The following MOV10L1 variants were observed in gnomAD, a reference collection of about 807,000 sequenced individuals.
MOV10L1 encodes RNA helicase Mov10l1.
Under a neutral mutation model 143.8 loss-of-function variants are expected in MOV10L1, and 110 were observed. The ratio of observed to expected loss-of-function variants is 0.76; its 90% CI spans 0.66 to 0.90. The LOEUF (loss-of-function observed/expected upper bound fraction) is 0.90, where lower values mean the gene tolerates loss of function less well. Among genes scored for constraint, MOV10L1 ranks in the 40% least tolerant of loss-of-function variants. The pLI is 0.00. For missense variants in MOV10L1, 1,406 were observed against 1,526.8 expected (o/e 0.92, Z 1.32); for synonymous variants, 593 against 581.1 (o/e 1.02, Z -0.29).
chr22:50,117,356 C>T lies in MOV10L1; in HGVS notation c.1454+5C>T, dbSNP rs752566634. On this transcript the variant is annotated splice_donor_5th_base_variant and intron_variant, in intron 9 of 26. Coordinates refer to ENST00000262794, the MANE Select transcript of MOV10L1 (RefSeq NM_018995.3). Reference sequence around the variant, plus strand: ...TGTTGTGACCGCACAGAAAAGGTACCATAACTGAAATGAGTGTGGCTCTTG... The same window carrying T: ...TGTTGTGACCGCACAGAAAAGGTACTATAACTGAAATGAGTGTGGCTCTTG... The T allele has an allele frequency of 6.2e-7, 1 of 1,611,960 alleles. No individual in the cohort carries two copies. The highest frequency in any genetic ancestry group is 1.1e-5 in the South Asian group (1 of 90,812).
chr22:50,133,904 A>T (rs2062748037), intron 13 of MOV10L1, 103 bp from the exon 14 acceptor site: 1 of 934,206 alleles, frequency 1.1e-6, no homozygotes, highest in African/African-American at 1.7e-5. Flanking sequence ...TGATTTTTTT[A>T]TATTGACTTA....
chr22:50,159,913 C>T lies in MOV10L1; in HGVS notation c.3324+128C>T, dbSNP rs1394625204. 1 of 640,198 alleles carries T rather than the reference C, an allele frequency of 1.6e-6. No individual in the cohort carries two copies. Among genetic ancestry groups the T allele is most frequent in the East Asian group, 2.8e-5 (1 of 36,182 alleles). The allele number at this position is 640,198 out of a possible 1,614,324, so 39.7% of individuals were successfully genotyped here. On this transcript the variant is annotated intron_variant, in intron 24 of 26. Transcript: ENST00000262794. This position sits in a 1 kb window ranked among gnomAD's most constrained non-coding sequence, Gnocchi z 4.1. ...AGAGAAGCAGCTGCAGGCGGAGACT[C>T]CCTAGGTCCAGGAGCCATTGTAAGC...
rs757266792 is a variant in MOV10L1, at chr22:50,142,103, A to G, written c.2093A>G (p.Gln698Arg). The G allele has an allele frequency of 1.2e-6, 2 of 1,611,858 alleles. No homozygotes were observed. Among genetic ancestry groups the G allele is most frequent in the South Asian group, 2.2e-5 (2 of 90,598 alleles). The change falls in exon 16 of 27, where the codon CAA (glutamine) becomes CGA (arginine). Residue 698 changes from glutamine to arginine, a missense_variant. Transcript: ENST00000262794. ...TAGAATAGGAAAACAATGACGGACC[A>G]AGCTGAGCATGGAACAGAGGAGAGG... ...SKKNRKTMTD[Q>R]AEHGTEERRV...
chr22:50,155,094 T>G (rs910007655), intron 22 of MOV10L1, among the ~76,000 whole-genome samples: 4 of 152,188 alleles, frequency 2.6e-5, no homozygotes, highest in Admixed American at 2.6e-4. Flanking sequence ...CATTGAATTG[T>G]TTCTCAGTTT....
chr22:50,091,933 T>C, intron 1 of MOV10L1, 68 bp from the exon 2 acceptor site: 1 of 1,485,868 alleles, frequency 6.7e-7, no homozygotes, highest in Non-Finnish European at 9.1e-7. Context: ...TGCCTTTCTC[T>C]GGTGGGGTTC....
chr22:50,161,319 C>T (rs771358537), intron 26 of MOV10L1, 49 bp from the exon 27 acceptor site: 52 of 1,449,838 alleles, frequency 3.6e-5, no homozygotes, highest in Non-Finnish European at 3.6e-5. Flanking sequence ...GCTCCCAGCC[C>T]GCTGTGGGAG....
At chr22:50,130,695 G>T (rs945064703) in intron 13 of MOV10L1, among the ~76,000 whole-genome samples, 6 of 152,158 alleles carry the variant, frequency 3.9e-5, no homozygotes. Flanking sequence ...GTGAGGGTTG[G>T]CTGGGACCAC....
chr22:50,135,523 C>T (rs113275070), intron 15 of MOV10L1, among the ~76,000 whole-genome samples: 2 of 151,588 alleles, frequency 1.3e-5, no homozygotes, highest in Non-Finnish European at 2.9e-5. Flanking sequence ...GAGGCCGAGG[C>T]GGGCAGATCA....
At chr22:50,098,873 A>G (rs187930409) in intron 2 of MOV10L1, among the ~76,000 whole-genome samples, 17 of 152,302 alleles carry the variant, frequency 1.1e-4, no homozygotes, top group Middle Eastern at 3.4e-3. Flanking sequence ...GAGTGTTTGC[A>G]TCATAAAAAG....
chr22:50,098,093 T>C (rs998524320), intron 2 of MOV10L1, among the ~76,000 whole-genome samples: 1 of 151,984 alleles, frequency 6.6e-6, no homozygotes, highest in Admixed American at 6.6e-5. Context: ...TGCCTCAACC[T>C]CCCAAAGTGC....
Position 50,158,278 on chromosome 22 carries a change from CAG to C in MOV10L1, c.3216+75_3216+76del. On this transcript the variant is annotated intron_variant, in intron 23 of 26. Coordinates refer to ENST00000262794, the MANE Select transcript of MOV10L1 (RefSeq NM_018995.3). The surrounding 1 kb of genome is among the most constrained non-coding windows in gnomAD (Gnocchi z 5.0). ...CTGCTCCTTGGCTCCTGCAGCTCCA[CAG>C]AGGCAGGAACAAGCTCCTTGTGAGC... is the stretch of plus-strand genomic sequence containing the variant. The C allele has an allele frequency of 1.3e-6, 2 of 1,574,348 alleles. No individual in the cohort carries two copies. Among genetic ancestry groups the C allele is most frequent in the Non-Finnish European group, 8.7e-7 (1 of 1,150,836 alleles).
chr22:50,113,832 G>T, intron 6 of MOV10L1, 44 bp downstream of exon 6: 3 of 1,478,528 alleles, frequency 2.0e-6, no homozygotes, highest in Non-Finnish European at 1.8e-6. Context: ...TACATTAATG[G>T]CTTTTACACT....
At chr22:50,119,952 G>A (rs908681899) in intron 9 of MOV10L1, among the ~76,000 whole-genome samples, 9 of 151,988 alleles carry the variant, frequency 5.9e-5, no homozygotes, top group Non-Finnish European at 1.2e-4. Context: ...TCTCCTGTCT[G>A]TCCCTTTCCC....
rs151046863 is a variant in MOV10L1, at chr22:50,149,633, C to T, written c.2646C>T (p.His882=). The change falls in exon 20 of 27, where the codon CAC becomes CAT. Residue 882 remains histidine (H), a synonymous_variant. Coordinates refer to ENST00000262794, the MANE Select transcript of MOV10L1 (RefSeq NM_018995.3). ...QIGVRVGHFT[H]VFVDEAGQAS... is the part of the protein sequence containing the mutation. The stretch of plus-strand genomic sequence containing the variant: ...GCTCTAGAGTTGGGCACTTCACTCA[C>T]GTGTTTGTGGACGAGGCTGGGCAGG... 1.5e-4 allele frequency: 248 copies of T among 1,614,052 alleles called. No homozygotes were observed. The highest frequency in any genetic ancestry group is 1.9e-4 in the Non-Finnish European group (224 of 1,180,010).
At chr22:50,139,032 A>T (rs1195259076) in intron 15 of MOV10L1, among the ~76,000 whole-genome samples, 2 of 151,740 alleles carry the variant, frequency 1.3e-5, no homozygotes, top group African/African-American at 4.8e-5. Flanking sequence ...AGTAGCACCT[A>T]AATGTTTTAA....
chr22:50,150,659 C>G (rs1602345839), intron 20 of MOV10L1, 76 bp from the exon 21 acceptor site: 3 of 1,523,648 alleles, frequency 2.0e-6, no homozygotes, highest in Non-Finnish European at 2.7e-6. Flanking sequence ...TGCGCACAGC[C>G]CCATTCCCAC....
rs966313338 is a variant in MOV10L1, at chr22:50,090,837, C to T, written c.97+652C>T. The T allele has an allele frequency of 3.4e-5, 10 of 291,434 alleles. No individual in the cohort carries two copies. The East Asian group carries it at 3.7e-4, about 11-fold the overall frequency. 18.1% of individuals were successfully genotyped at this position (291,434 alleles called of 1,614,324 possible). A position where few individuals can be genotyped will look rare whatever the true frequency, so the allele number is the denominator to read the frequency against. ...GATTATAGGCACCCGCCACCACGCC[C>T]GGCTAATTTTTGTATTTTTAGTCGA... On this transcript the variant is annotated intron_variant, in intron 1 of 26. Coordinates refer to ENST00000262794, the MANE Select transcript of MOV10L1 (RefSeq NM_018995.3).
rs1202830644 is a variant in MOV10L1 at position 50,149,711 on chromosome 22, C to A, written c.2724C>A (p.Gly908=). The A allele has an allele frequency of 6.2e-7, 1 of 1,612,746 alleles. No individual in the cohort carries two copies. Among genetic ancestry groups the A allele is most frequent in the African/African-American group, 1.3e-5 (1 of 75,012 alleles). ...TGGGGCTGATGTCGGACATCAGTGG[C>A]CAGGTAAGTCCCGACTACTGTGTGT... The part of the protein sequence containing the change: ...IPLGLMSDIS[G]QIVLAGDPMQ... Residue 908 remains glycine (G), a synonymous_variant, in exon 20 of 27, where the codon GGC becomes GGA. Coordinates refer to ENST00000262794, the MANE Select transcript of MOV10L1 (RefSeq NM_018995.3).
chr22:50,108,699 G>A lies in MOV10L1; in HGVS notation c.598G>A (p.Glu200Lys), dbSNP rs2061941008. Residue 200 changes from glutamate to lysine, a missense_variant, in exon 5 of 27, where the codon GAA (glutamate) becomes AAA (lysine). This residue lies in a region of MOV10L1 where 1,233 missense variants were observed against 1,351.4 expected (regional missense o/e 0.91). Coordinates refer to ENST00000262794, the MANE Select transcript of MOV10L1 (RefSeq NM_018995.3). ...SLCGRNGVLE[E>K]SIFFTLDSLK... ...CTGTGGAAGGAACGGGGTGTTAGAG[G>A]AAAGCATCTTCTTTACCTTGGACTC... The A allele has an allele frequency of 1.2e-6, 2 of 1,614,184 alleles. No homozygotes were observed. The highest frequency in any genetic ancestry group is 1.7e-6 in the Non-Finnish European group (2 of 1,180,034).
Sources: allele counts gnomAD v4.1 joint callset (sites outside exome capture counted in the v4.1 genomes callset), GRCh38; gene constraint gnomAD v4.1.1; regional missense constraint gnomAD v4.1.1; non-coding constraint Gnocchi (gnomAD v3.1); transcripts MANE v1.5; gene names NCBI Gene and HGNC (gene_info 2026-07-23, HGNC 2026-07-21).